ZNF438: variants seen among roughly 807,000 people sequenced by gnomAD.
ZNF438 encodes zinc finger protein 438.
Under a neutral mutation model 38.0 loss-of-function variants are expected in ZNF438, and 25 were observed. The ratio of observed to expected loss-of-function variants is 0.66; its 90% CI spans 0.48 to 0.92. The LOEUF is 0.92. Among genes scored for constraint, ZNF438 ranks in the 40% least tolerant of loss-of-function variants. The pLI, the probability that ZNF438 is intolerant of heterozygous loss-of-function variation, is 0.00. For missense variants in ZNF438, 1,007 were observed against 999.6 expected (o/e 1.01, Z -0.10); for synonymous variants, 372 against 364.1 (o/e 1.02, Z -0.25).
intron 1 of ZNF438, among the ~76,000 whole-genome samples, chr10:31,031,603 AGGGGAAAAGGTGCTGGCCCGGCCCCACG>A: frequency 6.6e-6 from 1 of 151,886 alleles, no homozygotes; most frequent in Non-Finnish European, 1.5e-5. Context: ...GCCCCGCCCC[AGGGGAAAAGGTGCTGGCCCGGCCCCACG>A]GGGCGCGGCC....
At chr10:30,941,433 C>G (rs1441501270) in intron 2 of ZNF438, 142 bp downstream of exon 3, 1 of 152,044 alleles carries the variant, frequency 6.6e-6, no homozygotes, top group East Asian at 1.9e-4. Context: ...CACTATTTCC[C>G]AAGACCAGTG....
chr10:30,893,301 T>G (rs559175313), intron 3 of ZNF438, among the ~76,000 whole-genome samples: 1 of 152,334 alleles, frequency 6.6e-6, no homozygotes, highest in Admixed American at 6.5e-5. Flanking sequence ...GTTTCCCATC[T>G]CCAGGACTTA....
chr10:30,937,260 A>G (rs2046353361), intron 2 of ZNF438, among the ~76,000 whole-genome samples: 1 of 152,248 alleles, frequency 6.6e-6, no homozygotes, highest in African/African-American at 2.4e-5. Context: ...GTCAGGAGGC[A>G]TGCTTGGGTC....
chr10:30,855,253 G>A (rs537591868), intron 4 of ZNF438, among the ~76,000 whole-genome samples: 1 of 152,332 alleles, frequency 6.6e-6, no homozygotes, highest in East Asian at 1.9e-4. Context: ...ATCAGTGTGA[G>A]CAGTGTGGGC....
At chr10:31,028,672 G>GT (rs1316781545) in intron 1 of ZNF438, among the ~76,000 whole-genome samples, 1 of 152,062 alleles carries the variant, frequency 6.6e-6, no homozygotes, top group African/African-American at 2.4e-5. Flanking sequence ...ATTCCCACAG[G>GT]TTTTTCCTCA....
chr10:30,911,770 A>T (rs916001427), intron 2 of ZNF438, among the ~76,000 whole-genome samples: 3 of 152,044 alleles, frequency 2.0e-5, no homozygotes, highest in Admixed American at 2.0e-4. Flanking sequence ...TCTCTAGATC[A>T]TTTCACCTTC....
At position 30,990,332 on chromosome 10, in the gene ZNF438, C is replaced by G. The variant is rs1054709700; in HGVS notation, c.-192+41501G>C. ...AATTAGAATGTTACTATTTTTCAAA[C>G]CTTAATGAACAAATAGATACAAATA... On this transcript the variant is annotated intron_variant, in intron 1 of 5. Coordinates refer to ENST00000413025, the Ensembl canonical transcript of ZNF438. Among the ~76,000 whole-genome samples, 8 of 151,898 alleles carry G rather than the reference C, an allele frequency of 5.3e-5. No individual in the cohort carries two copies. The South Asian group carries it at 1.5e-3, about 28-fold the overall frequency.
intron 2 of ZNF438, among the ~76,000 whole-genome samples, chr10:30,937,920 C>T (rs974555355): frequency 6.6e-6 from 1 of 152,160 alleles, no homozygotes; most frequent in Non-Finnish European, 1.5e-5. Context: ...CTCAGGAGGG[C>T]ATTCATGGTT....
chr10:31,022,929 T>C (rs1436239744), intron 1 of ZNF438, among the ~76,000 whole-genome samples: 1 of 152,204 alleles, frequency 6.6e-6, no homozygotes, highest in Non-Finnish European at 1.5e-5. Context: ...AACAAACTTA[T>C]TTCTCATTGG....
intron 4 of ZNF438, among the ~76,000 whole-genome samples, chr10:30,868,040 T>C (rs2036755958): frequency 6.6e-6 from 1 of 151,898 alleles, no homozygotes; most frequent in Non-Finnish European, 1.5e-5. Context: ...TAGTATATAA[T>C]CTTTTCAAAA....
intron 2 of ZNF438, among the ~76,000 whole-genome samples, chr10:30,939,083 T>C (rs541572316): frequency 5.0e-4 from 76 of 152,310 alleles, no homozygotes; most frequent in African/African-American, 1.6e-3. Context: ...CATGAGCCAC[T>C]GCTCCTGGCC....
chr10:30,862,190 C>T (rs1425824623), intron 4 of ZNF438, among the ~76,000 whole-genome samples: 1 of 152,156 alleles, frequency 6.6e-6, no homozygotes, highest in African/African-American at 2.4e-5. Flanking sequence ...AGCTGTTTCT[C>T]AATGGGGCTG....
At chr10:30,871,988 T>C (rs2037483307) in intron 4 of ZNF438, among the ~76,000 whole-genome samples, 1 of 152,120 alleles carries the variant, frequency 6.6e-6, no homozygotes, top group Non-Finnish European at 1.5e-5. Context: ...AACACAAATG[T>C]TATGACAGAG....
At chr10:30,883,064 TAAAAATG>T (rs984492853) in intron 3 of ZNF438, among the ~76,000 whole-genome samples, 6 of 152,126 alleles carry the variant, frequency 3.9e-5, no homozygotes, top group Admixed American at 3.9e-4. Context: ...TGCTCTACTA[TAAAAATG>T]AGTAAGGACT....
At chr10:30,913,211 G>A (rs1327048953) in intron 2 of ZNF438, among the ~76,000 whole-genome samples, 1 of 151,828 alleles carries the variant, frequency 6.6e-6, no homozygotes, top group Non-Finnish European at 1.5e-5. Context: ...TTTCTCATTG[G>A]TCTTAGAATA....
At chr10:30,995,050 A>AC (rs1409167853) in intron 1 of ZNF438, among the ~76,000 whole-genome samples, 1 of 151,754 alleles carries the variant, frequency 6.6e-6, no homozygotes, top group Non-Finnish European at 1.5e-5. Flanking sequence ...GAGGAAAAAA[A>AC]AAAATGAATG....
At chr10:30,907,923 A>AT (rs1038452619) in intron 3 of ZNF438, among the ~76,000 whole-genome samples, 1 of 151,934 alleles carries the variant, frequency 6.6e-6, no homozygotes. Flanking sequence ...TGGGTTATCA[A>AT]TTTGAGATCT....
intron 1 of ZNF438, among the ~76,000 whole-genome samples, chr10:30,980,290 G>A (rs1050401493): frequency 6.6e-6 from 1 of 151,032 alleles, no homozygotes; most frequent in African/African-American, 2.4e-5. Flanking sequence ...ACTCCTATAT[G>A]GAGGACTGAC....
rs2042192274 is a variant in ZNF438 at position 30,902,951 on chromosome 10, CG to C, written c.-32+5981del. ...TCGGGCTGCAGGTAGGCCTTCCCTG[CG>C]GGGAGGCAGCTAAGGACCGGGGAGA... On this transcript the variant is annotated intron_variant, in intron 3 of 5. Coordinates refer to ENST00000413025, the Ensembl canonical transcript of ZNF438. Among the ~76,000 whole-genome samples the C allele has an allele frequency of 3.9e-5, 6 of 151,932 alleles. No individual in the cohort carries two copies. The South Asian group carries it at 1.2e-3, about 32-fold the overall frequency.
Sources: allele counts gnomAD v4.1 joint callset (sites outside exome capture counted in the v4.1 genomes callset), GRCh38; gene constraint gnomAD v4.1.1; transcripts MANE v1.5; gene names NCBI Gene and HGNC (gene_info 2026-07-23, HGNC 2026-07-21).